Variants in MYO18B observed in about 807,000 individuals in gnomAD.
The protein encoded by MYO18B is myosin XVIIIB.
In MYO18B, 204 loss-of-function variants were observed where a neutral mutation model predicts 273.0. That is an observed-to-expected ratio of 0.75 (90% CI 0.67 to 0.84). MYO18B has a LOEUF of 0.84. Among genes scored for constraint, MYO18B ranks in the 40% least tolerant of loss-of-function variants. The probability of loss-of-function intolerance (pLI) is 0.00; values close to 1 mark genes in which losing one functional copy is unlikely to be tolerated. For synonymous variants in MYO18B, 1,330 were observed against 1,305.7 expected (o/e 1.02, Z -0.40); for missense variants, 3,212 against 3,287.6 (o/e 0.98, Z 0.56).
chr22:25,971,064 T>C (rs879358202), intron 39 of MYO18B, among the ~76,000 whole-genome samples: 1 of 152,256 alleles, frequency 6.6e-6, no homozygotes, highest in Non-Finnish European at 1.5e-5. Context: ...GTAAATATTT[T>C]AGACTTTGTA....
chr22:25,812,077 G>A (rs2088786605), intron 12 of MYO18B, among the ~76,000 whole-genome samples: 1 of 150,862 alleles, frequency 6.6e-6, no homozygotes, highest in South Asian at 2.1e-4. Flanking sequence ...GTCCCAAGTG[G>A]CACAAAGCTG....
intron 10 of MYO18B, among the ~76,000 whole-genome samples, chr22:25,784,807 G>A (rs181319182): frequency 6.6e-6 from 1 of 152,330 alleles, no homozygotes; most frequent in Non-Finnish European, 1.5e-5. Flanking sequence ...CACTCTCGAG[G>A]AACCTGCAGG....
At chr22:25,894,551 G>A (rs1601500183) in intron 27 of MYO18B, 1 of 152,156 alleles carries the variant, frequency 6.6e-6, no homozygotes, top group Non-Finnish European at 1.5e-5. Context: ...AAGGGATTTG[G>A]TATCCATCTT....
intron 39 of MYO18B, among the ~76,000 whole-genome samples, chr22:25,979,960 C>T (rs1035336988): frequency 3.9e-5 from 6 of 152,050 alleles, no homozygotes; most frequent in African/African-American, 1.4e-4. Flanking sequence ...AGCTCCAGTC[C>T]CTGGCGCTAT....
At chr22:25,826,245 T>G (rs984417133) in intron 13 of MYO18B, among the ~76,000 whole-genome samples, 164 bp from the exon 14 acceptor site, 1 of 152,208 alleles carries the variant, frequency 6.6e-6, no homozygotes, top group Admixed American at 6.5e-5. Context: ...GAAAGGACAC[T>G]TAGACTTTGT....
intron 31 of MYO18B, among the ~76,000 whole-genome samples, chr22:25,905,252 T>C (rs2092019030): frequency 6.6e-6 from 1 of 152,164 alleles, no homozygotes; most frequent in African/African-American, 2.4e-5. Context: ...TATCAAGACA[T>C]GTGGGTGGTG....
rs1231014848 is a variant in MYO18B at position 25,798,065 on chromosome 22, T to G, written c.2489T>G (p.Ile830Ser). The stretch of plus-strand genomic sequence containing the variant: ...GCTGTTTGGCGGGTCCTGGCAGCCA[T>G]CTACCACCTGGGTGCGGCGGGGGCC... ...QRAVWRVLAA[I>S]YHLGAAGACK... Residue 830 changes from isoleucine to serine, a missense_variant, in exon 12 of 44, where the codon ATC (isoleucine) becomes AGC (serine). Transcript: ENST00000335473. 1 of 1,611,302 alleles carries G rather than the reference T, an allele frequency of 6.2e-7. No homozygotes were observed. Among genetic ancestry groups the G allele is most frequent in the South Asian group, 1.1e-5 (1 of 91,042 alleles).
At chr22:25,937,432 A>C (rs2146535983) in intron 34 of MYO18B, among the ~76,000 whole-genome samples, 1 of 152,240 alleles carries the variant, frequency 6.6e-6, no homozygotes, top group East Asian at 1.9e-4. Flanking sequence ...GCAGAATGTC[A>C]TGAAAATTAT....
chr22:25,999,722 C>A (rs1439932761), intron 40 of MYO18B, among the ~76,000 whole-genome samples: 1 of 151,440 alleles, frequency 6.6e-6, no homozygotes, highest in Non-Finnish European at 1.5e-5. Context: ...ATGGCATGAT[C>A]TTGGCTCACT....
chr22:26,018,229 T>G (rs1403792525), intron 42 of MYO18B, among the ~76,000 whole-genome samples: 1 of 152,134 alleles, frequency 6.6e-6, no homozygotes. Context: ...CAAGCAAGCC[T>G]TGAGAGCGAC....
At chr22:25,990,877 C>G (rs2093262885) in intron 39 of MYO18B, among the ~76,000 whole-genome samples, 1 of 151,862 alleles carries the variant, frequency 6.6e-6, no homozygotes, top group South Asian at 2.1e-4. Flanking sequence ...ATGTATGTTC[C>G]TTTACACAGC....
intron 13 of MYO18B, 71 bp downstream of exon 13, chr22:25,823,749 TCTTTAA>T: frequency 6.6e-7 from 1 of 1,506,382 alleles, no homozygotes; most frequent in South Asian, 1.2e-5. Context: ...ACACCAGCAT[TCTTTAA>T]CTTTTTTATC....
intron 12 of MYO18B, among the ~76,000 whole-genome samples, chr22:25,810,583 G>A (rs922327132): frequency 7.9e-5 from 12 of 151,494 alleles, no homozygotes; most frequent in South Asian, 2.1e-4. Context: ...ACAGGTGTGC[G>A]CCACCATCCC....
chr22:26,031,970 C>T (rs1936677929), downstream of MYO18B, among the ~76,000 whole-genome samples: 1 of 152,176 alleles, frequency 6.6e-6, no homozygotes, highest in South Asian at 2.1e-4. Flanking sequence ...TCTGCGGAGT[C>T]AGAAGCCCTG....
chr22:25,824,842 T>A (rs2089428692), intron 13 of MYO18B, among the ~76,000 whole-genome samples: 1 of 142,534 alleles, frequency 7.0e-6, no homozygotes, highest in African/African-American at 2.5e-5. Flanking sequence ...GCACACCATG[T>A]GTGCATCACA....
intron 12 of MYO18B, among the ~76,000 whole-genome samples, chr22:25,812,697 A>G (rs1055939658): frequency 3.3e-5 from 5 of 152,154 alleles, no homozygotes; most frequent in African/African-American, 7.2e-5. Flanking sequence ...ATCTCTCTGC[A>G]TGGTTGAAAG....
At chr22:25,937,547 TG>T (rs1380364518) in intron 34 of MYO18B, among the ~76,000 whole-genome samples, 2 of 151,680 alleles carry the variant, frequency 1.3e-5, no homozygotes, top group African/African-American at 4.8e-5. Flanking sequence ...ATCAGACTTC[TG>T]GGCTGCACAG....
chr22:25,770,808 T>C, intron 5 of MYO18B, 64 bp from the exon 6 acceptor site: 1 of 1,229,876 alleles, frequency 8.1e-7, no homozygotes, highest in Non-Finnish European at 1.2e-6. Flanking sequence ...TGCCCTCGCC[T>C]CTTTCCCCTC....
intron 11 of MYO18B, among the ~76,000 whole-genome samples, chr22:25,787,356 C>T (rs2087448697): frequency 6.6e-6 from 1 of 151,498 alleles, no homozygotes; most frequent in South Asian, 2.1e-4. Flanking sequence ...GTTTCTAATT[C>T]AGTAGCTCTG....
Sources: gnomAD v4.1 joint callset for allele counts (sites outside exome capture counted in the v4.1 genomes callset) on GRCh38, gnomAD v4.1.1 for gene constraint, MANE v1.5 for transcripts, NCBI Gene and HGNC (gene_info 2026-07-23, HGNC 2026-07-21) for gene names.